Variants in JADE3 observed in about 807,000 individuals in gnomAD.
JADE3 encodes jade family PHD finger 3.
A neutral mutation model predicts 50.1 loss-of-function variants in JADE3; 2 were observed. The ratio of observed to expected loss-of-function variants is 0.04; its 90% CI spans 0.02 to 0.13. The LOEUF (loss-of-function observed/expected upper bound fraction) is 0.13. Ranked by LOEUF, JADE3 falls within the 10% of genes least tolerant of loss-of-function variation. The probability of loss-of-function intolerance (pLI) is 1.00; values close to 1 mark genes in which losing one functional copy is unlikely to be tolerated. For synonymous variants in JADE3, 218 were observed against 232.9 expected, an observed-to-expected ratio of 0.94 and a Z score of 0.58; for missense variants, 475 against 634.4, an observed-to-expected ratio of 0.75 and a Z score of 2.70.
chrX:46,942,036 C>T (rs1926773338), intron 1 of JADE3, among the ~76,000 whole-genome samples: 1 of 110,208 alleles, frequency 9.1e-6, no homozygotes, highest in Admixed American at 9.7e-5. Context: ...AGCCATTGTG[C>T]CTGGCCTTTT....
intron 6 of JADE3, among the ~76,000 whole-genome samples, chrX:47,032,792 T>G (rs1929050115): frequency 9.0e-6 from 1 of 111,422 alleles, no homozygotes; most frequent in Non-Finnish European, 1.9e-5. Flanking sequence ...GATATTATGG[T>G]AACTGTTATA....
intron 1 of JADE3, among the ~76,000 whole-genome samples, chrX:46,952,264 T>C: frequency 8.9e-6 from 1 of 112,402 alleles, no homozygotes; most frequent in Non-Finnish European, 1.9e-5. Flanking sequence ...TTCAACCCCA[T>C]GGAGAATGTC....
rs996918 is a variant in JADE3 at position 46,957,406 on chromosome X, A to G, written c.-11-27478A>G. Reference sequence around the variant, plus strand: ...ATCTTTGCATAGTATGTATTATTATATGTCACATGATGTTTTTGGCTGTCT... The same window carrying G: ...ATCTTTGCATAGTATGTATTATTATGTGTCACATGATGTTTTTGGCTGTCT... On this transcript the variant is annotated intron_variant, in intron 1 of 10. Transcript: ENST00000614628. Among the ~76,000 whole-genome samples the G allele has an allele frequency of 4.6e-3, 515 of 112,657 alleles. 1 individual carries two copies. The highest frequency in any genetic ancestry group is 0.015 in the African/African-American group (479 of 31,039).
At chrX:47,004,850 T>A (rs1928374103) in intron 4 of JADE3, among the ~76,000 whole-genome samples, 1 of 112,700 alleles carries the variant, frequency 8.9e-6, no homozygotes, top group African/African-American at 3.2e-5. Context: ...TGAATTTACA[T>A]GTATAGAATG....
intron 1 of JADE3, among the ~76,000 whole-genome samples, chrX:46,979,870 C>A (rs1556352515): frequency 1.0e-5 from 1 of 98,681 alleles, no homozygotes. Context: ...AAAATGTCTG[C>A]TGATTTTTTT....
intron 8 of JADE3, among the ~76,000 whole-genome samples, chrX:47,042,568 C>T (rs1179789387): frequency 8.9e-6 from 1 of 112,021 alleles, no homozygotes; most frequent in Non-Finnish European, 1.9e-5. Context: ...CAAATTGAGA[C>T]TCTTACAATT....
intron 1 of JADE3, among the ~76,000 whole-genome samples, chrX:46,934,663 G>A (rs1321066124): frequency 9.3e-6 from 1 of 107,736 alleles, no homozygotes; most frequent in Admixed American, 1.0e-4. Flanking sequence ...TCCAACTCCT[G>A]ATCTCAAGCG....
chrX:46,929,791 A>G lies in JADE3; in HGVS notation c.-12+17072A>G, dbSNP rs145283318. ...GTATTCACTAGAGTCTAAACATACC[A>G]TGAGTCATTCTGACCGTCTGCCTCT... On this transcript the variant is annotated intron_variant, in intron 1 of 10. Coordinates refer to ENST00000614628, the MANE Select transcript of JADE3 (RefSeq NM_014735.5). Among the ~76,000 whole-genome samples, 546 of 111,785 alleles carry G rather than the reference A, an allele frequency of 4.9e-3. 2 individuals are homozygous for G. The highest frequency in any genetic ancestry group is 6.9e-3 in the Non-Finnish European group (365 of 53,121).
At position 47,027,962 on chromosome X, in the gene JADE3, T is replaced by C. The variant is rs1556365908; in HGVS notation, c.546T>C (p.Asn182=). 2 of 1,209,781 alleles carry C rather than the reference T, an allele frequency of 1.7e-6. No homozygotes were observed. Among genetic ancestry groups the C allele is most frequent in the South Asian group, 3.5e-5 (2 of 56,872 alleles). Residue 182 remains asparagine (N), a synonymous_variant, in exon 6 of 11, where the codon AAT becomes AAC. Transcript: ENST00000614628. The part of the protein sequence containing the change: ...VEVLERHCHE[N]MNHAIETEEG... ...TCCTGGAACGCCATTGCCATGAAAA[T>C]ATGAACCATGCTATTGAGACAGAGG... is the stretch of plus-strand genomic sequence containing the variant.
intron 1 of JADE3, among the ~76,000 whole-genome samples, chrX:46,959,249 C>T (rs782561271): frequency 4.6e-4 from 52 of 112,412 alleles, no homozygotes; most frequent in African/African-American, 1.6e-3. Context: ...TTTAGTTTCA[C>T]TCTCAGGCAG....
At chrX:47,015,701 T>C (rs1368161397) in intron 4 of JADE3, among the ~76,000 whole-genome samples, 1 of 106,463 alleles carries the variant, frequency 9.4e-6, no homozygotes, top group Non-Finnish European at 1.9e-5. Flanking sequence ...ATAGCAAACA[T>C]CCTCAAAAGT....
rs113451843 is a variant in JADE3, at chrX:47,043,646, C to T, written c.972+4581C>T. 3.3e-3 allele frequency among the ~76,000 whole-genome samples: 365 copies of T among 109,729 alleles called. 2 individuals carry two copies. The highest frequency in any genetic ancestry group is 0.012 in the African/African-American group (350 of 30,156). ...CATCCTGGCTAACATGGTGAAACCCCGTCTCTACTAAAAATACAAAAAATT... is the reference window on the plus strand; with the variant it reads ...CATCCTGGCTAACATGGTGAAACCCTGTCTCTACTAAAAATACAAAAAATT... On this transcript the variant is annotated intron_variant, in intron 8 of 10. Transcript: ENST00000614628.
chrX:46,946,575 A>C (rs1320251478), intron 1 of JADE3, among the ~76,000 whole-genome samples: 1 of 112,389 alleles, frequency 8.9e-6, no homozygotes, highest in Non-Finnish European at 1.9e-5. Context: ...GAGGTCACCT[A>C]GCTCTTGAGA....
At chrX:47,032,311 GTTC>G (rs782818808) in intron 6 of JADE3, among the ~76,000 whole-genome samples, 1 of 111,609 alleles carries the variant, frequency 9.0e-6, no homozygotes, top group East Asian at 2.8e-4. Context: ...TCTGTTACAT[GTTC>G]TTCTTCTTCT....
chrX:47,020,356 C>T (rs1166081788), intron 4 of JADE3, among the ~76,000 whole-genome samples: 1 of 110,342 alleles, frequency 9.1e-6, no homozygotes, highest in Non-Finnish European at 1.9e-5. Flanking sequence ...GTGTGTCTAT[C>T]CATAGTACAT....
intron 1 of JADE3, among the ~76,000 whole-genome samples, chrX:46,969,281 T>G (rs782414840): frequency 9.0e-6 from 1 of 111,057 alleles, no homozygotes; most frequent in African/African-American, 3.3e-5. Flanking sequence ...CCGGGCGTGG[T>G]GGCACATGCC....
chrX:46,924,271 A>G (rs1056436679), intron 1 of JADE3, among the ~76,000 whole-genome samples: 40 of 111,518 alleles, frequency 3.6e-4, no homozygotes, highest in African/African-American at 1.2e-3. Context: ...GCAACCTCTT[A>G]CAAGCTTCAC....
At chrX:46,934,713 G>A (rs1163358748) in intron 1 of JADE3, among the ~76,000 whole-genome samples, 1 of 109,566 alleles carries the variant, frequency 9.1e-6, no homozygotes, top group Admixed American at 9.7e-5. Flanking sequence ...GGGATTACAA[G>A]CCTGAGCCAC....
intron 1 of JADE3, among the ~76,000 whole-genome samples, chrX:46,955,660 T>A (rs1927097818): frequency 9.0e-6 from 1 of 111,229 alleles, no homozygotes; most frequent in Admixed American, 9.6e-5. Flanking sequence ...GAACTAGAAT[T>A]TAGAAACTGA....
Sources: allele counts gnomAD v4.1 joint callset (sites outside exome capture counted in the v4.1 genomes callset), GRCh38; gene constraint gnomAD v4.1.1; transcripts MANE v1.5; gene names NCBI Gene and HGNC (gene_info 2026-07-23, HGNC 2026-07-21).